Variants in CELSR3 observed in about 807,000 individuals in gnomAD.
CELSR3 encodes EGF-like protein 1.
Under a neutral mutation model 270.0 loss-of-function variants are expected in CELSR3, and 73 were observed. That is an observed-to-expected ratio of 0.27 (90% CI 0.22 to 0.33). The LOEUF (loss-of-function observed/expected upper bound fraction) is 0.33, where lower values mean the gene tolerates loss of function less well. Ranked by LOEUF, CELSR3 falls within the 10% of genes least tolerant of loss-of-function variation. CELSR3 has a pLI of 1.00. For missense variants in CELSR3, 3,614 were observed against 4,533.8 expected, an observed-to-expected ratio of 0.80 and a Z score of 5.83; for synonymous variants, 1,780 against 1,905.4, an observed-to-expected ratio of 0.93 and a Z score of 1.71.
At position 48,645,659 on chromosome 3, in the gene CELSR3, C is replaced by A; in HGVS notation, c.7591-10G>T. ...GGTCGCCCTCCAGCCTCTACAGAGACAGGGATGGTTGATGGGTTGTTGGGC... is the reference window on the plus strand; with the variant it reads ...GGTCGCCCTCCAGCCTCTACAGAGAAAGGGATGGTTGATGGGTTGTTGGGC... On this transcript the variant is annotated splice_polypyrimidine_tract_variant and intron_variant, in intron 23 of 34. Coordinates refer to ENST00000164024, the MANE Select transcript of CELSR3 (RefSeq NM_001407.3). The surrounding 1 kb of genome is among the most constrained non-coding windows in gnomAD (Gnocchi z 5.4). The A allele has an allele frequency of 6.2e-7, 1 of 1,605,726 alleles. No individual in the cohort carries two copies.
Position 48,645,710 on chromosome 3 carries a change from C to T in CELSR3, c.7590+32G>A, listed in dbSNP as rs765993209. On this transcript the variant is annotated intron_variant, in intron 23 of 34. Transcript: ENST00000164024. This position sits in a 1 kb window ranked among gnomAD's most constrained non-coding sequence, Gnocchi z 5.4. ...AGAATCCCCGTGTCCCTTTGACCCC[C>T]CACTTCCTTGGGACACTGAACACAG... The T allele has an allele frequency of 2.5e-6, 4 of 1,600,644 alleles. No homozygotes were observed. Among genetic ancestry groups the T allele is most frequent in the Middle Eastern group, 1.7e-4 (1 of 6,036 alleles).
chr3:48,646,192 A>C lies in CELSR3; in HGVS notation c.7361T>G (p.Phe2454Cys). Residue 2454 changes from phenylalanine (F) to cysteine (C), a missense_variant, in exon 22 of 35, where the codon TTC becomes TGC. Coordinates refer to ENST00000164024, the MANE Select transcript of CELSR3 (RefSeq NM_001407.3). This position sits in a 1 kb window ranked among gnomAD's most constrained non-coding sequence, Gnocchi z 4.8. ...VSVAVFHGRN[F>C]LRGILESPIS... The stretch of plus-strand genomic sequence containing the variant: ...GGGGGACTCCAGGATTCCCCTTAGG[A>C]AGTTGCGTCCGTGGAACACAGCCAC... The C allele has an allele frequency of 1.2e-6, 2 of 1,612,748 alleles. No homozygotes were observed. The highest frequency in any genetic ancestry group is 1.7e-6 in the Non-Finnish European group (2 of 1,179,934).
In CELSR3 at chr3:48,653,647, G is replaced by A; in HGVS notation, c.5420C>T (p.Ala1807Val). 4 of 1,614,136 alleles carry A rather than the reference G, an allele frequency of 2.5e-6. No individual in the cohort carries two copies. The highest frequency in any genetic ancestry group is 3.4e-6 in the Non-Finnish European group (4 of 1,180,014). ...ATQGVLMQVQ[A>V]GPHSTLLCQL... ...GCAAAGGAGCGTGCTGTGTGGCCCAGCCTGCACTTGCATCAGGACCCCCTG... is the reference window on the plus strand; with the variant it reads ...GCAAAGGAGCGTGCTGTGTGGCCCAACCTGCACTTGCATCAGGACCCCCTG... The change falls in exon 9 of 35, where the codon GCT becomes GTT. Residue 1807 changes from alanine (A) to valine (V), a missense_variant. Physicochemically the swap from Ala to Val is moderately conservative, Grantham distance 64. Around this residue, in one of 7 missense-constraint regions of CELSR3, gnomAD observed 1,331 missense variants for 1,933.7 expected, o/e 0.69. Coordinates refer to ENST00000164024, the MANE Select transcript of CELSR3 (RefSeq NM_001407.3). The surrounding 1 kb of genome is among the most constrained non-coding windows in gnomAD (Gnocchi z 6.5).
At position 48,650,983 on chromosome 3, in the gene CELSR3, G is replaced by A. The variant is rs747663734; in HGVS notation, c.6279C>T (p.Ser2093=). 77 of 1,611,108 alleles carry A rather than the reference G, an allele frequency of 4.8e-5. No homozygotes were observed. The highest frequency in any genetic ancestry group is 2.0e-4 in the South Asian group (18 of 90,914). The change falls in exon 15 of 35, where the codon AGC becomes AGT. Residue 2093 remains serine (S), a synonymous_variant. Coordinates refer to ENST00000164024, the MANE Select transcript of CELSR3 (RefSeq NM_001407.3). This position sits in a 1 kb window ranked among gnomAD's most constrained non-coding sequence, Gnocchi z 5.1. ...GSTSRSCAPH[S]GQCPCRPGAL... ...CTCCTGGGCGACAGGGGCACTGCCC[G>A]CTGTGGGGTGCACATGAGCGCGAGG... is the stretch of plus-strand genomic sequence containing the variant.
Position 48,642,313 on chromosome 3 carries a change from G to T in CELSR3, c.8665+45C>A. The stretch of plus-strand genomic sequence containing the variant: ...GGGGTAGAAGAAAAGGGGATGGGGA[G>T]AGATCCTCTGCCTCCCTCCTCCCTG... On this transcript the variant is annotated intron_variant, in intron 31 of 34. Transcript: ENST00000164024. The surrounding 1 kb of genome is among the most constrained non-coding windows in gnomAD (Gnocchi z 6.1). 1.3e-6 allele frequency: 2 copies of T among 1,579,206 alleles called. No homozygotes were observed. The highest frequency in any genetic ancestry group is 2.3e-5 in the South Asian group (2 of 87,612).
In CELSR3 at chr3:48,648,474, A is replaced by C. The variant is rs1167819194; in HGVS notation, c.6778-13T>G. The C allele has an allele frequency of 2.6e-6, 4 of 1,527,310 alleles. No homozygotes were observed. The highest frequency in any genetic ancestry group is 3.5e-6 in the Non-Finnish European group (4 of 1,139,970). 94.6% of individuals were successfully genotyped at this position (1,527,310 alleles called of 1,614,324 possible). A position where few individuals can be genotyped will look rare whatever the true frequency, so the allele number is the denominator to read the frequency against. On this transcript the variant is annotated splice_polypyrimidine_tract_variant and intron_variant, in intron 18 of 34. Coordinates refer to ENST00000164024, the MANE Select transcript of CELSR3 (RefSeq NM_001407.3). ...CCCACAGCAGATTCTGGGAAGACAG[A>C]GATAGAATTGGGTTCAGCCAGGTGG...
In CELSR3 at chr3:48,662,506, G is replaced by A. The variant is rs754361696; in HGVS notation, c.129C>T (p.Asp43=). The A allele has an allele frequency of 5.0e-5, 81 of 1,611,710 alleles. No individual in the cohort carries two copies. Among genetic ancestry groups the A allele is most frequent in the African/African-American group, 9.3e-5 (7 of 74,916 alleles). Residue 43 remains aspartate, a synonymous_variant, in exon 1 of 35, where the codon GAC becomes GAT. Transcript: ENST00000164024. The surrounding 1 kb of genome is among the most constrained non-coding windows in gnomAD (Gnocchi z 7.1). ...ELGGGGHQGW[D]PGLAATTGPR... Reference sequence around the variant, plus strand: ...GCCCCGTAGTGGCAGCTAAGCCTGGGTCCCAGCCCTGGTGCCCACCGCCCC... The same window carrying A: ...GCCCCGTAGTGGCAGCTAAGCCTGGATCCCAGCCCTGGTGCCCACCGCCCC...
At position 48,641,204 on chromosome 3, in the gene CELSR3, C is replaced by A; in HGVS notation, c.9025+120G>T. The stretch of plus-strand genomic sequence containing the variant: ...GTGAAGCAGGCTAGAGAAGCAGAAG[C>A]GCCCTAGGTCAGAGTAAGAAGAGCT... On this transcript the variant is annotated intron_variant, in intron 33 of 34. Coordinates refer to ENST00000164024, the MANE Select transcript of CELSR3 (RefSeq NM_001407.3). This position sits in a 1 kb window ranked among gnomAD's most constrained non-coding sequence, Gnocchi z 4.8. 1 of 714,240 alleles carries A rather than the reference C, an allele frequency of 1.4e-6. No individual in the cohort carries two copies. The highest frequency in any genetic ancestry group is 2.5e-6 in the Non-Finnish European group (1 of 402,188). The allele number at this position is 714,240 out of a possible 1,614,324, so 44.2% of individuals were successfully genotyped here.
chr3:48,656,374 C>A lies in CELSR3; in HGVS notation c.4400-9G>T. On this transcript the variant is annotated splice_polypyrimidine_tract_variant and intron_variant, in intron 2 of 34. Transcript: ENST00000164024. ...CAGCTCGCAGTCCTCTCCTGGGGGC[C>A]AAGCCGCGGTCAGAGGCGGTCACGC... 7.1e-7 allele frequency: 1 copy of A among 1,405,746 alleles called. No homozygotes were observed. The highest frequency in any genetic ancestry group is 9.1e-7 in the Non-Finnish European group (1 of 1,093,314). 87.1% of individuals were successfully genotyped at this position (1,405,746 alleles called of 1,614,324 possible).
At position 48,645,290 on chromosome 3, in the gene CELSR3, T is replaced by C; in HGVS notation, c.7798-81A>G. 6.5e-7 allele frequency: 1 copy of C among 1,532,522 alleles called. No homozygotes were observed. Among genetic ancestry groups the C allele is most frequent in the Non-Finnish European group, 8.9e-7 (1 of 1,129,414 alleles). The allele number at this position is 1,532,522 out of a possible 1,614,324, so 94.9% of individuals were successfully genotyped here. ...ACCCCAGGCATCTGCTTCCCACCTCTCACCCCTAAACCACAATATCTTACC... is the reference window on the plus strand; with the variant it reads ...ACCCCAGGCATCTGCTTCCCACCTCCCACCCCTAAACCACAATATCTTACC... On this transcript the variant is annotated intron_variant, in intron 24 of 34. Transcript: ENST00000164024. This position sits in a 1 kb window ranked among gnomAD's most constrained non-coding sequence, Gnocchi z 5.4.
At position 48,648,117 on chromosome 3, in the gene CELSR3, C is replaced by T. The variant is rs544202888; in HGVS notation, c.6974-121G>A. ...CAATCTGTTTTCTGTGCTACCAGCT[C>T]GGAGCCTGTCCCTACAAAACGCTGA... On this transcript the variant is annotated intron_variant, in intron 19 of 34. Transcript: ENST00000164024. The T allele has an allele frequency of 3.1e-4, 454 of 1,448,766 alleles. 1 individual carries two copies. Among genetic ancestry groups the T allele is most frequent in the East Asian group, 4.9e-4 (21 of 43,292 alleles). The allele number at this position is 1,448,766 out of a possible 1,614,324, so 89.7% of individuals were successfully genotyped here. A position where few individuals can be genotyped will look rare whatever the true frequency, so the allele number is the denominator to read the frequency against.
chr3:48,654,565 G>A lies in CELSR3; in HGVS notation c.4989-113C>T. On this transcript the variant is annotated intron_variant, in intron 6 of 34. Coordinates refer to ENST00000164024, the MANE Select transcript of CELSR3 (RefSeq NM_001407.3). This position sits in a 1 kb window ranked among gnomAD's most constrained non-coding sequence, Gnocchi z 5.4. ...CCAGAGGGTAGGGTGATTGAGGGAG[G>A]AAAATAAGGCCGAGCTGTGGAAGGA... 2 of 903,676 alleles carry A rather than the reference G, an allele frequency of 2.2e-6. No individual in the cohort carries two copies. The highest frequency in any genetic ancestry group is 3.3e-6 in the Non-Finnish European group (2 of 600,476). The allele number at this position is 903,676 out of a possible 1,614,324, so 56.0% of individuals were successfully genotyped here. A position where few individuals can be genotyped will look rare whatever the true frequency, so the allele number is the denominator to read the frequency against.
In CELSR3 at chr3:48,661,631, G is replaced by A; in HGVS notation, c.1004C>T (p.Pro335Leu). 2.5e-6 allele frequency: 4 copies of A among 1,604,118 alleles called. No homozygotes were observed. Among genetic ancestry groups the A allele is most frequent in the Admixed American group, 1.7e-5 (1 of 58,238 alleles). Residue 335 changes from proline (P) to leucine (L), a missense_variant, in exon 1 of 35, where the codon CCG (proline) becomes CTG (leucine). Physicochemically the swap from Pro to Leu is moderately conservative, Grantham distance 98. Around this residue, in one of 7 missense-constraint regions of CELSR3, gnomAD observed 470 missense variants for 469.7 expected, o/e 1.00. Coordinates refer to ENST00000164024, the MANE Select transcript of CELSR3 (RefSeq NM_001407.3). ...FPQYNYQTLV[P>L]ENEAAGTAVL... ...CGCGGTGCCTGCTGCCTCATTCTCC[G>A]GCACCAGCGTCTGGTAGTTGTACTG...
At position 48,637,826 on chromosome 3, in the gene CELSR3, GGAGA is replaced by G; in HGVS notation, c.*375_*378del. 1 of 228,948 alleles carries G rather than the reference GGAGA, an allele frequency of 4.4e-6. No individual in the cohort carries two copies. The highest frequency in any genetic ancestry group is 5.0e-5 in the Admixed American group (1 of 19,988). 14.2% of individuals were successfully genotyped at this position (228,948 alleles called of 1,614,324 possible). ...CACCCATCTGAGTCCACCCCAGGAA[GGAGA>G]GAGAGATGAGCATAGGGTTTGCTCA... is the stretch of plus-strand genomic sequence containing the variant. On this transcript the variant is annotated 3_prime_UTR_variant, in exon 35 of 35. Transcript: ENST00000164024.
In CELSR3 at chr3:48,656,114, C is replaced by A. The variant is rs2047178952; in HGVS notation, c.4625+26G>T. On this transcript the variant is annotated intron_variant, in intron 3 of 34. Coordinates refer to ENST00000164024, the MANE Select transcript of CELSR3 (RefSeq NM_001407.3). ...CGGGTAGGTGGGGGCGGCGGGGAGG[C>A]GCTCAGACACGGGGCGGGCACCTAC... The A allele has an allele frequency of 2.0e-6, 3 of 1,526,484 alleles. No homozygotes were observed. The Admixed American group carries it at 5.9e-5, about 30-fold the overall frequency. The allele number at this position is 1,526,484 out of a possible 1,614,324, so 94.6% of individuals were successfully genotyped here. A position where few individuals can be genotyped will look rare whatever the true frequency, so the allele number is the denominator to read the frequency against.
chr3:48,653,858 G>T lies in CELSR3; in HGVS notation c.5278+20C>A. ...CAGATCTGACCCTGCAGGCCCCTCT[G>T]CCCCATGCTGCCCACTTACTAAGCT... On this transcript the variant is annotated intron_variant, in intron 8 of 34. Coordinates refer to ENST00000164024, the MANE Select transcript of CELSR3 (RefSeq NM_001407.3). This position sits in a 1 kb window ranked among gnomAD's most constrained non-coding sequence, Gnocchi z 6.5. 1 of 1,613,114 alleles carries T rather than the reference G, an allele frequency of 6.2e-7. No individual in the cohort carries two copies. The highest frequency in any genetic ancestry group is 8.5e-7 in the Non-Finnish European group (1 of 1,179,284).
chr3:48,649,110 G>A lies in CELSR3; in HGVS notation c.6567+11C>T. ...GTCTTAGGTTGCAGGAAAAGGTCTG[G>A]GCAGTCTCACCAGCAGACTGAGCTC... On this transcript the variant is annotated intron_variant, in intron 17 of 34. Coordinates refer to ENST00000164024, the MANE Select transcript of CELSR3 (RefSeq NM_001407.3). The A allele has an allele frequency of 6.2e-7, 1 of 1,608,430 alleles. No individual in the cohort carries two copies. The highest frequency in any genetic ancestry group is 8.5e-7 in the Non-Finnish European group (1 of 1,177,222).
Position 48,653,014 on chromosome 3 carries a change from A to G in CELSR3, c.5622T>C (p.Phe1874=), listed in dbSNP as rs1462720000. 1.7e-5 allele frequency: 27 copies of G among 1,613,118 alleles called. No homozygotes were observed. Among genetic ancestry groups the G allele is most frequent in the Non-Finnish European group, 2.1e-5 (25 of 1,179,902 alleles). The change falls in exon 10 of 35, where the codon TTT becomes TTC. Residue 1874 remains phenylalanine, a synonymous_variant. Coordinates refer to ENST00000164024, the MANE Select transcript of CELSR3 (RefSeq NM_001407.3). This position sits in a 1 kb window ranked among gnomAD's most constrained non-coding sequence, Gnocchi z 6.5. ...TCAGAGGCCAGACCTGGAAGAGGCT[A>G]AAGTCCAGTGAGACCATAAGGACAT... ...GHHVLMVSLD[F]SLFQDTMAVG... is the part of the protein sequence containing the mutation.
rs2047137935 is a variant in CELSR3, at chr3:48,651,621, G to A, written c.6021C>T (p.Thr2007=). 1 of 1,591,286 alleles carries A rather than the reference G, an allele frequency of 6.3e-7. No homozygotes were observed. Among genetic ancestry groups the A allele is most frequent in the Non-Finnish European group, 8.6e-7 (1 of 1,167,884 alleles). The part of the protein sequence containing the change: ...RHLPGAPHGY[T]CDCVGGYFGH... The stretch of plus-strand genomic sequence containing the variant: ...CGAAATAGCCACCCACACAGTCACA[G>A]GTATAGCCATGGGGGGCTCCTGGCA... Residue 2007 remains threonine, a synonymous_variant, in exon 13 of 35, where the codon ACC becomes ACT. Transcript: ENST00000164024. This position sits in a 1 kb window ranked among gnomAD's most constrained non-coding sequence, Gnocchi z 7.4.
Sources: gnomAD v4.1 joint callset for allele counts on GRCh38, gnomAD v4.1.1 for gene constraint, gnomAD v4.1.1 regional missense constraint, Gnocchi (gnomAD v3.1) non-coding constraint, MANE v1.5 for transcripts, NCBI Gene and HGNC (gene_info 2026-07-23, HGNC 2026-07-21) for gene names.